The following CELF2 variants were observed in gnomAD, a reference collection of about 807,000 sequenced individuals.
CELF2 encodes CUG triplet repeat RNA-binding protein 2.
CELF2 carries 8 observed loss-of-function variants against 62.6 expected under a neutral mutation model. The observed-to-expected ratio is 0.13, with a 90% CI of 0.07 to 0.23. CELF2 has a LOEUF of 0.23. Ranked by LOEUF, CELF2 falls within the 10% of genes least tolerant of loss-of-function variation. The pLI is 1.00. For synonymous variants in CELF2, 258 were observed against 250.0 expected (o/e 1.03, Z -0.30); for missense variants, 333 against 671.0 (o/e 0.50, Z 5.56).
chr10:10,605,475 T>C, the CELF2 span, among the ~76,000 whole-genome samples: 16 of 152,244 alleles, frequency 1.1e-4, no homozygotes, highest in African/African-American at 3.9e-4. Flanking sequence ...AATAAGGCTG[T>C]AGATTTTCCA....
chr10:10,821,304 G>C (rs2056941414), intron 1 of CELF2, among the ~76,000 whole-genome samples: 1 of 152,096 alleles, frequency 6.6e-6, no homozygotes, highest in South Asian at 2.1e-4. Flanking sequence ...CTTGTGTAGA[G>C]TTGGCCACTG....
At position 11,296,196 on chromosome 10, in the gene CELF2, CT is replaced by C. The variant is rs2093162955; in HGVS notation, c.976+7649del. On this transcript the variant is annotated intron_variant, in intron 9 of 12. Transcript: ENST00000633077. The surrounding 1 kb of genome is among the most constrained non-coding windows in gnomAD (Gnocchi z 5.0). ...CGCATTGTTCCTTGTTTTGAGTGGG[CT>C]TTTTAACATGTGCAGACATTGACTC... Among the ~76,000 whole-genome samples the C allele has an allele frequency of 1.3e-5, 2 of 152,086 alleles. No homozygotes were observed. The highest frequency in any genetic ancestry group is 2.9e-5 in the Non-Finnish European group (2 of 68,010).
intron 1 of CELF2, among the ~76,000 whole-genome samples, chr10:10,876,399 G>T (rs1258284248): frequency 6.6e-6 from 1 of 152,104 alleles, no homozygotes; most frequent in Non-Finnish European, 1.5e-5. Flanking sequence ...GCTAAACTGT[G>T]CCATTGTCTT....
rs1344623617 is a variant in CELF2, at chr10:10,931,882, G to A, written c.89+11883G>A. Among the ~76,000 whole-genome samples the A allele has an allele frequency of 3.9e-5, 6 of 152,192 alleles. No homozygotes were observed. The highest frequency in any genetic ancestry group is 3.9e-4 in the Admixed American group (6 of 15,274). ...CTCACAACCATGGCAGAAGGTGAATGAGGATCAAAGTCATGTCTTACATGG... is the reference window on the plus strand; with the variant it reads ...CTCACAACCATGGCAGAAGGTGAATAAGGATCAAAGTCATGTCTTACATGG... On this transcript the variant is annotated intron_variant, in intron 2 of 13. Transcript: ENST00000636488. The surrounding 1 kb of genome is among the most constrained non-coding windows in gnomAD (Gnocchi z 6.1).
chr10:11,176,227 T>C (rs2071058070), intron 2 of CELF2, among the ~76,000 whole-genome samples: 1 of 152,214 alleles, frequency 6.6e-6, no homozygotes, highest in African/African-American at 2.4e-5. Context: ...ATAGGGAGTT[T>C]AGGACAAGAA....
At chr10:10,553,094 A>G in the CELF2 span, among the ~76,000 whole-genome samples, 4 of 152,208 alleles carry the variant, frequency 2.6e-5, no homozygotes, top group Non-Finnish European at 5.9e-5. Flanking sequence ...GGTTTAATTG[A>G]CTCACCGTTC....
chr10:10,874,814 A>AGC (rs2060982212), intron 1 of CELF2, among the ~76,000 whole-genome samples: 1 of 152,232 alleles, frequency 6.6e-6, no homozygotes, highest in East Asian at 1.9e-4. Flanking sequence ...GAATGACACA[A>AGC]GCATTTCAAT....
intron 2 of CELF2, among the ~76,000 whole-genome samples, chr10:10,921,594 G>C (rs1274125599): frequency 6.6e-6 from 1 of 152,002 alleles, no homozygotes; most frequent in Non-Finnish European, 1.5e-5. Context: ...AAAGAGAGGA[G>C]AAATTTACTC....
the CELF2 span, among the ~76,000 whole-genome samples, chr10:10,482,642 T>C: frequency 2.6e-5 from 4 of 152,352 alleles, no homozygotes; most frequent in South Asian, 8.3e-4. Context: ...CTGTGTCTTA[T>C]GAGGCTTTGA....
At position 11,301,894 on chromosome 10, in the gene CELF2, G is replaced by A. The variant is rs1302084589; in HGVS notation, c.977-12245G>A. On this transcript the variant is annotated intron_variant, in intron 9 of 12. Coordinates refer to ENST00000633077, the MANE Select transcript of CELF2 (RefSeq NM_001326342.2). Reference sequence around the variant, plus strand: ...GTGGAGTGCGAGGCCCTTGTCCAGCGCACTAGGGCCTGCACGTGGGCCTCA... The same window carrying A: ...GTGGAGTGCGAGGCCCTTGTCCAGCACACTAGGGCCTGCACGTGGGCCTCA... Among the ~76,000 whole-genome samples the A allele has an allele frequency of 2.6e-5, 4 of 152,218 alleles. No individual in the cohort carries two copies. The East Asian group carries it at 5.9e-4, about 22-fold the overall frequency.
intron 1 of CELF2, among the ~76,000 whole-genome samples, chr10:11,099,869 AAACAAC>A (rs1237584657): frequency 2.6e-4 from 38 of 143,882 alleles, no homozygotes; most frequent in African/African-American, 8.5e-4. Context: ...TTCTACATTA[AAACAAC>A]AACAACAACA....
chr10:11,250,968 C>T (rs11257033), intron 4 of CELF2, among the ~76,000 whole-genome samples: 1,532 of 152,292 alleles, frequency 0.01, 16 homozygotes, highest in Middle Eastern at 0.027. Context: ...TCCAGAGGTG[C>T]GTGCTTGCAG....
intron 3 of CELF2, among the ~76,000 whole-genome samples, chr10:11,225,827 T>C (rs969471504): frequency 6.6e-6 from 1 of 152,230 alleles, no homozygotes; most frequent in Admixed American, 6.5e-5. Flanking sequence ...TCTGTGTTTG[T>C]AAATGGCTTT....
the CELF2 span, among the ~76,000 whole-genome samples, chr10:10,618,721 A>G: frequency 6.6e-6 from 1 of 152,092 alleles, no homozygotes; most frequent in Non-Finnish European, 1.5e-5. Flanking sequence ...TCGTTGCCTC[A>G]CGCCAAGGAA....
intron 1 of CELF2, among the ~76,000 whole-genome samples, chr10:11,074,626 G>A (rs1021849513): frequency 2.6e-5 from 4 of 152,166 alleles, no homozygotes; most frequent in Admixed American, 1.3e-4. Flanking sequence ...TCCTGTCTGC[G>A]ACGGGGGACT....
rs368329721 is a variant in CELF2, at chr10:11,260,023, T to C, written c.538+2151T>C. ...ACAAGGAGAGCCCTTAAATTACTCA[T>C]AGCGAAATCTATAATGGCTTAGGGG... On this transcript the variant is annotated intron_variant, in intron 5 of 12. Coordinates refer to ENST00000633077, the MANE Select transcript of CELF2 (RefSeq NM_001326342.2). The surrounding 1 kb of genome is among the most constrained non-coding windows in gnomAD (Gnocchi z 4.2). 1.2e-4 allele frequency among the ~76,000 whole-genome samples: 19 copies of C among 152,202 alleles called. No homozygotes were observed. Among genetic ancestry groups the C allele is most frequent in the African/African-American group, 4.1e-4 (17 of 41,444 alleles).
In CELF2 at chr10:11,319,982, A is replaced by G; in HGVS notation, c.1097-1207A>G. On this transcript the variant is annotated intron_variant, in intron 10 of 12. Transcript: ENST00000633077. This position sits in a 1 kb window ranked among gnomAD's most constrained non-coding sequence, Gnocchi z 4.4. ...GTCCTCCATTCTCATTAGACTTCTT[A>G]CCTATTTTTTCAGTTAGCCATCCTT... 1 of 393,516 alleles carries G rather than the reference A, an allele frequency of 2.5e-6. No homozygotes were observed. Among genetic ancestry groups the G allele is most frequent in the East Asian group, 7.7e-5 (1 of 12,906 alleles). 24.4% of individuals were successfully genotyped at this position (393,516 alleles called of 1,614,324 possible).
chr10:11,003,768 T>C (rs531545450), upstream of CELF2, among the ~76,000 whole-genome samples: 4 of 152,348 alleles, frequency 2.6e-5, no homozygotes, highest in Admixed American at 2.0e-4. The surrounding 1 kb of genome is among the most constrained non-coding windows in gnomAD (Gnocchi z 4.4). Flanking sequence ...TTTTATATGA[T>C]ATCATTCGCT....
intron 1 of CELF2, among the ~76,000 whole-genome samples, chr10:10,905,589 A>AG (rs1170091874): frequency 1.3e-5 from 2 of 151,714 alleles, no homozygotes; most frequent in African/African-American, 4.8e-5. Flanking sequence ...ACTTAAAAAA[A>AG]AAAAAAGGGC....
Sources: allele counts gnomAD v4.1 joint callset (sites outside exome capture counted in the v4.1 genomes callset), GRCh38; gene constraint gnomAD v4.1.1; non-coding constraint Gnocchi (gnomAD v3.1); transcripts MANE v1.5; gene names NCBI Gene and HGNC (gene_info 2026-07-23, HGNC 2026-07-21).